The following ZBTB8OS variants were observed in gnomAD, a reference collection of about 807,000 sequenced individuals.
ZBTB8OS encodes the protein tRNA-splicing ligase-activating factor archease.
In ZBTB8OS, 16 loss-of-function variants were observed where a neutral mutation model predicts 29.3. The ratio of observed to expected loss-of-function variants is 0.55; its 90% CI spans 0.37 to 0.83. The LOEUF is 0.83. Among genes scored for constraint, ZBTB8OS ranks in the 40% least tolerant of loss-of-function variants. The pLI, the probability that ZBTB8OS is intolerant of heterozygous loss-of-function variation, is 0.00. For missense variants in ZBTB8OS, 160 were observed against 196.9 expected, an observed-to-expected ratio of 0.81 and a Z score of 1.12; for synonymous variants, 70 against 64.6, an observed-to-expected ratio of 1.08 and a Z score of -0.40.
At chr1:32,625,671 G>A (rs754486208) in intron 6 of ZBTB8OS, among the ~76,000 whole-genome samples, 4 of 151,854 alleles carry the variant, frequency 2.6e-5, no homozygotes, top group African/African-American at 9.7e-5. Context: ...TAGGAGTTTC[G>A]GATCAGCCTG....
chr1:32,633,019 T>C (rs996222430), intron 4 of ZBTB8OS, among the ~76,000 whole-genome samples: 11 of 152,200 alleles, frequency 7.2e-5, no homozygotes, highest in African/African-American at 2.7e-4. Context: ...GTGCCATCTC[T>C]ATTAAATAAC....
intron 4 of ZBTB8OS, among the ~76,000 whole-genome samples, chr1:32,632,932 G>A (rs1008740560): frequency 2.6e-5 from 4 of 152,186 alleles, no homozygotes; most frequent in African/African-American, 7.2e-5. Flanking sequence ...TCTGTAGGAT[G>A]AGTGACTCAG....
At chr1:32,634,834 G>T in intron 1 of ZBTB8OS, 42 bp from the exon 2 acceptor site, 1 of 1,306,694 alleles carries the variant, frequency 7.7e-7, no homozygotes, top group Non-Finnish European at 1.1e-6. Context: ...CACTAAACTT[G>T]ACTCTCAAAT....
chr1:32,645,474 C>A (rs1449363178), intron 1 of ZBTB8OS, among the ~76,000 whole-genome samples: 1 of 152,190 alleles, frequency 6.6e-6, no homozygotes, highest in Non-Finnish European at 1.5e-5. Context: ...TATACTCCAG[C>A]CTGGGAGACA....
intron 6 of ZBTB8OS, 151 bp downstream of exon 6, chr1:32,627,357 T>C: frequency 2.9e-6 from 2 of 684,334 alleles, no homozygotes; most frequent in South Asian, 3.9e-5. Context: ...ATCACAGTAT[T>C]TTAACAAAAT....
intron 5 of ZBTB8OS, among the ~76,000 whole-genome samples, chr1:32,630,736 C>A (rs1276123028): frequency 6.6e-6 from 1 of 151,926 alleles, no homozygotes; most frequent in East Asian, 1.9e-4. Context: ...TGAGGCCGGG[C>A]ACAGTGGCTC....
At chr1:32,626,387 G>A (rs1443263391) in intron 6 of ZBTB8OS, among the ~76,000 whole-genome samples, 2 of 151,996 alleles carry the variant, frequency 1.3e-5, no homozygotes, top group African/African-American at 2.4e-5. Context: ...TGATGTAATC[G>A]CCTAAAGATG....
At chr1:32,631,655 T>C (rs896110927) in intron 5 of ZBTB8OS, among the ~76,000 whole-genome samples, 172 bp downstream of exon 5, 13 of 152,180 alleles carry the variant, frequency 8.5e-5, no homozygotes, top group Non-Finnish European at 1.5e-4. Context: ...GATTTAACAA[T>C]TAAAATCAAC....
chr1:32,645,006 C>A (rs1366246829), intron 1 of ZBTB8OS, among the ~76,000 whole-genome samples: 1 of 151,512 alleles, frequency 6.6e-6, no homozygotes, highest in East Asian at 1.9e-4. Flanking sequence ...TGGTGAAACC[C>A]CGTCTCTACT....
Position 32,621,762 on chromosome 1 carries a change from A to G in ZBTB8OS, c.*100T>C, listed in dbSNP as rs1644768098. 2.4e-6 allele frequency: 2 copies of G among 837,018 alleles called. No individual in the cohort carries two copies. Among genetic ancestry groups the G allele is most frequent in the East Asian group, 2.6e-5 (1 of 38,572 alleles). 51.8% of individuals were successfully genotyped at this position (837,018 alleles called of 1,614,324 possible). On this transcript the variant is annotated 3_prime_UTR_variant, in exon 7 of 7. Coordinates refer to ENST00000468695, the MANE Select transcript of ZBTB8OS (RefSeq NM_178547.5). ...ATATTTCTGTTCTACAAATTTCCATATATCAAAAAAAAGCTGTAGAATTTA... is the reference window on the plus strand; with the variant it reads ...ATATTTCTGTTCTACAAATTTCCATGTATCAAAAAAAAGCTGTAGAATTTA...
intron 1 of ZBTB8OS, among the ~76,000 whole-genome samples, chr1:32,642,421 T>C (rs1646482949): frequency 6.6e-6 from 1 of 151,368 alleles, no homozygotes; most frequent in African/African-American, 2.4e-5. Context: ...GGAGAATTGC[T>C]TGAACCCAGG....
chr1:32,644,733 A>C lies in ZBTB8OS; in HGVS notation c.97+5700T>G, dbSNP rs574722631. The stretch of plus-strand genomic sequence containing the variant: ...TTTTTTTTTTTTTTTTTTTGTAGAG[A>C]TGTGTTTCACTGTGTTGCCCAGACT... On this transcript the variant is annotated intron_variant, in intron 1 of 6. Coordinates refer to ENST00000468695, the MANE Select transcript of ZBTB8OS (RefSeq NM_178547.5). 1.6e-3 allele frequency among the ~76,000 whole-genome samples: 190 copies of C among 116,084 alleles called. 3 individuals carry two copies. In the East Asian group the frequency reaches 0.045, roughly 28 times the overall value. 76.2% of individuals were successfully genotyped at this position (116,084 alleles called of 152,430 possible).
At chr1:32,644,179 G>A (rs1646653554) in intron 1 of ZBTB8OS, among the ~76,000 whole-genome samples, 1 of 152,178 alleles carries the variant, frequency 6.6e-6, no homozygotes, top group Non-Finnish European at 1.5e-5. Context: ...ATTACAAGGT[G>A]ATAGATCCGG....
At chr1:32,648,801 G>T (rs1647047841) in intron 1 of ZBTB8OS, among the ~76,000 whole-genome samples, 1 of 151,506 alleles carries the variant, frequency 6.6e-6, no homozygotes, top group Non-Finnish European at 1.5e-5. Flanking sequence ...TGGGATTACA[G>T]GCACCCACCA....
chr1:32,642,320 G>A (rs1158443820), intron 1 of ZBTB8OS, among the ~76,000 whole-genome samples: 1 of 151,932 alleles, frequency 6.6e-6, no homozygotes, highest in Non-Finnish European at 1.5e-5. Flanking sequence ...CCTGGCCAAC[G>A]TGGTGAAACC....
chr1:32,628,147 C>T (rs189985815), intron 5 of ZBTB8OS, among the ~76,000 whole-genome samples: 39 of 150,696 alleles, frequency 2.6e-4, no homozygotes, highest in Non-Finnish European at 4.7e-4. Context: ...CAGTTGAGGT[C>T]GGCAGTTTGA....
rs1645591433 is a variant in ZBTB8OS, at chr1:32,631,950, CTGTTT to C, written c.328-76_328-72del. 11 of 416,116 alleles carry C rather than the reference CTGTTT, an allele frequency of 2.6e-5. No individual in the cohort carries two copies. In the South Asian group the frequency reaches 5.3e-4, roughly 20 times the overall value. The allele number at this position is 416,116 out of a possible 1,614,324, so 25.8% of individuals were successfully genotyped here. A position where few individuals can be genotyped will look rare whatever the true frequency, so the allele number is the denominator to read the frequency against. ...ACTATCTACTAAAAATCTTTTTGTT[CTGTTT>C]TGTTTTTTTGGACCATCTACTAAAA... On this transcript the variant is annotated intron_variant, in intron 4 of 6. Transcript: ENST00000468695.
At position 32,621,781 on chromosome 1, in the gene ZBTB8OS, G is replaced by T; in HGVS notation, c.*81C>A. ...TTCCATATATCAAAAAAAAGCTGTA[G>T]AATTTAATTCATAGTGTCTTCTCAA... On this transcript the variant is annotated 3_prime_UTR_variant, in exon 7 of 7. Coordinates refer to ENST00000468695, the MANE Select transcript of ZBTB8OS (RefSeq NM_178547.5). The T allele has an allele frequency of 2.0e-6, 2 of 975,730 alleles. No individual in the cohort carries two copies. Among genetic ancestry groups the T allele is most frequent in the Non-Finnish European group, 1.6e-6 (1 of 641,878 alleles). 60.4% of individuals were successfully genotyped at this position (975,730 alleles called of 1,614,324 possible).
chr1:32,647,266 CAAAAAAAA>C (rs71006348), intron 1 of ZBTB8OS, among the ~76,000 whole-genome samples: 115,895 of 134,686 alleles, frequency 0.86, 50,545 homozygotes, highest in Non-Finnish European at 0.96. Context: ...TACTCTGTCT[CAAAAAAAA>C]AAAAAAAAAA....
Sources: gnomAD v4.1 joint callset for allele counts (sites outside exome capture counted in the v4.1 genomes callset) on GRCh38, gnomAD v4.1.1 for gene constraint, MANE v1.5 for transcripts, NCBI Gene and HGNC (gene_info 2026-07-23, HGNC 2026-07-21) for gene names.